The following ARHGAP15 variants were observed in gnomAD, a reference collection of about 807,000 sequenced individuals.
ARHGAP15 encodes the protein rho GTPase-activating protein 15.
A neutral mutation model predicts 63.7 loss-of-function variants in ARHGAP15; 51 were observed. That is an observed-to-expected ratio of 0.80 (90% CI 0.64 to 1.01). The LOEUF is 1.01. Ranked by LOEUF, ARHGAP15 falls within the 50% of genes least tolerant of loss-of-function variation. The pLI, the probability that ARHGAP15 is intolerant of heterozygous loss-of-function variation, is 0.00. For synonymous variants in ARHGAP15, 191 were observed against 193.8 expected (o/e 0.99, Z 0.12); for missense variants, 560 against 564.6 (o/e 0.99, Z 0.08).
At chr2:143,341,430 C>A (rs777539264) in intron 6 of ARHGAP15, among the ~76,000 whole-genome samples, 1 of 152,114 alleles carries the variant, frequency 6.6e-6, no homozygotes. Flanking sequence ...GTGAGGTTTC[C>A]TCTAGGACGA....
At chr2:143,361,994 C>T (rs947762775) in intron 6 of ARHGAP15, among the ~76,000 whole-genome samples, 12 of 152,114 alleles carry the variant, frequency 7.9e-5, no homozygotes, top group South Asian at 2.1e-4. Context: ...TATGCTGAAT[C>T]GAAGTTCTAT....
chr2:143,374,521 T>C (rs1435431066), intron 6 of ARHGAP15, among the ~76,000 whole-genome samples: 1 of 152,136 alleles, frequency 6.6e-6, no homozygotes, highest in Non-Finnish European at 1.5e-5. Context: ...GTTTGCTTTT[T>C]TGAGATAGTG....
At chr2:143,251,683 A>T (rs1197546943) in intron 6 of ARHGAP15, among the ~76,000 whole-genome samples, 1 of 152,100 alleles carries the variant, frequency 6.6e-6, no homozygotes, top group African/African-American at 2.4e-5. Flanking sequence ...AAGTGAGAGA[A>T]TATATGCAAT....
At chr2:143,569,941 G>A (rs1696384418) in intron 11 of ARHGAP15, among the ~76,000 whole-genome samples, 2 of 151,910 alleles carry the variant, frequency 1.3e-5, no homozygotes, top group Non-Finnish European at 2.9e-5. Flanking sequence ...AGTGGCCCAG[G>A]AGTTAGAAAG....
intron 13 of ARHGAP15, among the ~76,000 whole-genome samples, chr2:143,753,660 C>T (rs11898334): frequency 0.5 from 76,323 of 152,040 alleles, 19,614 homozygotes; most frequent in East Asian, 0.83. Flanking sequence ...GGTTTATATT[C>T]CTGCAGATGC....
chr2:143,522,890 G>A (rs1328629480), intron 10 of ARHGAP15, among the ~76,000 whole-genome samples: 1 of 152,104 alleles, frequency 6.6e-6, no homozygotes, highest in Non-Finnish European at 1.5e-5. Context: ...AGTTTATGAT[G>A]ACGTCATATG....
At chr2:143,233,712 T>A (rs1693536618) in intron 5 of ARHGAP15, among the ~76,000 whole-genome samples, 2 of 151,040 alleles carry the variant, frequency 1.3e-5, no homozygotes, top group African/African-American at 2.4e-5. Context: ...AGTGGCATGA[T>A]CTTGGCTCAC....
At chr2:143,557,845 C>G (rs1695872350) in intron 11 of ARHGAP15, among the ~76,000 whole-genome samples, 1 of 152,010 alleles carries the variant, frequency 6.6e-6, no homozygotes, top group South Asian at 2.1e-4. Context: ...AACAAGAAGA[C>G]CAACACATCT....
intron 11 of ARHGAP15, among the ~76,000 whole-genome samples, chr2:143,571,406 A>C (rs1696448472): frequency 6.6e-6 from 1 of 152,216 alleles, no homozygotes; most frequent in Non-Finnish European, 1.5e-5. Context: ...TTTGTAAGAA[A>C]GCTACCCACT....
At chr2:143,402,713 C>A (rs537008204) in intron 6 of ARHGAP15, among the ~76,000 whole-genome samples, 1 of 151,884 alleles carries the variant, frequency 6.6e-6, no homozygotes, top group East Asian at 1.9e-4. Flanking sequence ...AAAAGATTTA[C>A]AAAATCACAG....
intron 6 of ARHGAP15, among the ~76,000 whole-genome samples, chr2:143,415,124 C>A (rs1249535138): frequency 6.6e-6 from 1 of 152,090 alleles, no homozygotes; most frequent in East Asian, 1.9e-4. Context: ...GTGCAAGTAT[C>A]TCTAACAGGA....
chr2:143,148,045 T>A (rs1316630507), intron 1 of ARHGAP15, among the ~76,000 whole-genome samples: 1 of 152,010 alleles, frequency 6.6e-6, no homozygotes, highest in African/African-American at 2.4e-5. Context: ...TTAATAAAAA[T>A]AACCAGGTTC....
chr2:143,765,024 T>A (rs1686898624), intron 13 of ARHGAP15, among the ~76,000 whole-genome samples: 2 of 152,162 alleles, frequency 1.3e-5, no homozygotes, highest in South Asian at 4.1e-4. Flanking sequence ...TTGCTACCAA[T>A]GGGTAAAGTT....
At chr2:143,314,887 C>A (rs981825945) in intron 6 of ARHGAP15, among the ~76,000 whole-genome samples, 8 of 152,180 alleles carry the variant, frequency 5.3e-5, no homozygotes, top group African/African-American at 1.9e-4. Flanking sequence ...TTTGACAAAT[C>A]AATTCATTAA....
chr2:143,621,568 T>C (rs1221124072), intron 11 of ARHGAP15, among the ~76,000 whole-genome samples: 1 of 152,208 alleles, frequency 6.6e-6, no homozygotes, highest in Non-Finnish European at 1.5e-5. Context: ...AAAATACTCT[T>C]TCCAACTATT....
At chr2:143,733,527 C>A (rs1574907230) in intron 13 of ARHGAP15, among the ~76,000 whole-genome samples, 2 of 152,128 alleles carry the variant, frequency 1.3e-5, no homozygotes, top group African/African-American at 4.8e-5. Context: ...ATCAACTGTG[C>A]CTTCAGTTAC....
At chr2:143,551,014 G>A (rs928638245) in intron 10 of ARHGAP15, among the ~76,000 whole-genome samples, 4 of 152,186 alleles carry the variant, frequency 2.6e-5, no homozygotes, top group Non-Finnish European at 4.4e-5. Context: ...TGAAGAGAAA[G>A]AGGGTGTACA....
intron 10 of ARHGAP15, among the ~76,000 whole-genome samples, chr2:143,551,733 G>A (rs922892439): frequency 1.1e-4 from 16 of 152,130 alleles, no homozygotes; most frequent in African/African-American, 3.6e-4. Flanking sequence ...GCTATTGAAG[G>A]ATGGGTGTCT....
chr2:143,647,431 T>A (rs990236235), intron 12 of ARHGAP15, among the ~76,000 whole-genome samples: 7 of 151,476 alleles, frequency 4.6e-5, no homozygotes, highest in Non-Finnish European at 7.4e-5. Context: ...TCTGCTCACA[T>A]TACAGTGCTG....
Sources: allele counts gnomAD v4.1 joint callset (sites outside exome capture counted in the v4.1 genomes callset), GRCh38; gene constraint gnomAD v4.1.1; transcripts MANE v1.5; gene names NCBI Gene and HGNC (gene_info 2026-07-23, HGNC 2026-07-21).